MYCBP2: variants seen among roughly 807,000 people sequenced by gnomAD.
The protein encoded by MYCBP2 is MYC binding protein 2.
Under a neutral mutation model 525.3 loss-of-function variants are expected in MYCBP2, and 120 were observed. The ratio of observed to expected loss-of-function variants is 0.23; its 90% CI spans 0.20 to 0.27. The LOEUF (loss-of-function observed/expected upper bound fraction) is 0.27, where lower values mean the gene tolerates loss of function less well. MYCBP2 is among the 10% of genes least tolerant of loss of function. MYCBP2 has a pLI of 1.00. For missense variants in MYCBP2, 4,149 were observed against 5,657.1 expected, an observed-to-expected ratio of 0.73 and a Z score of 8.55; for synonymous variants, 1,894 against 1,955.8, an observed-to-expected ratio of 0.97 and a Z score of 0.83.
chr13:77,311,027 A>C (rs2080134020), intron 1 of MYCBP2, among the ~76,000 whole-genome samples: 1 of 152,218 alleles, frequency 6.6e-6, no homozygotes, highest in Non-Finnish European at 1.5e-5. Context: ...AGGGGAGTCA[A>C]AACTTGGAAA....
At position 77,098,992 on chromosome 13, in the gene MYCBP2, G is replaced by T. The variant is rs1419849046; in HGVS notation, c.8162C>A (p.Thr2721Lys). Reference protein sequence around the residue: ...NSKGDRGNISTSSKPASTSGK... With the variant: ...NSKGDRGNISKSSKPASTSGK... Reference sequence around the variant, plus strand: ...TGATGTAGAGGCTGGTTTAGAAGATGTTGAGATGTTTCCTCGATCACCTGT... The same window carrying T: ...TGATGTAGAGGCTGGTTTAGAAGATTTTGAGATGTTTCCTCGATCACCTGT... The change falls in exon 56 of 83, where the codon ACA becomes AAA. Residue 2721 changes from threonine (T) to lysine (K), a missense_variant. Transcript: ENST00000544440. 1.2e-6 allele frequency: 2 copies of T among 1,608,190 alleles called. No homozygotes were observed. Among genetic ancestry groups the T allele is most frequent in the Admixed American group, 3.3e-5 (2 of 59,886 alleles).
chr13:77,095,832 C>G (rs1035701148), intron 57 of MYCBP2, among the ~76,000 whole-genome samples: 3 of 152,082 alleles, frequency 2.0e-5, no homozygotes, highest in Admixed American at 6.6e-5. Context: ...AAAAATTTAA[C>G]ACCTAACTAG....
chr13:77,307,589 G>A (rs1239306074), intron 1 of MYCBP2, among the ~76,000 whole-genome samples: 1 of 120,482 alleles, frequency 8.3e-6, no homozygotes, highest in Non-Finnish European at 1.6e-5. Context: ...TCATGCCACT[G>A]CACCCCAGCC....
chr13:77,068,624 T>A lies in MYCBP2; in HGVS notation c.12112A>T (p.Thr4038Ser). The A allele has an allele frequency of 6.2e-7, 1 of 1,614,162 alleles. No homozygotes were observed. The highest frequency in any genetic ancestry group is 8.5e-7 in the Non-Finnish European group (1 of 1,180,012). ...AGCGAGAAGAGATCCTGAAGCAGGG[T>A]TAGCTGTTGAGCCAGATATTGCCGG... ...VGRQYLAQQL[T>S]LLQDLFSLLH... Residue 4038 changes from threonine to serine, a missense_variant, in exon 70 of 83, where the codon ACC (threonine) becomes TCC (serine). Coordinates refer to ENST00000544440, the MANE Select transcript of MYCBP2 (RefSeq NM_015057.5).
intron 20 of MYCBP2, among the ~76,000 whole-genome samples, chr13:77,218,822 A>G (rs1331227151): frequency 1.3e-5 from 2 of 152,226 alleles, no homozygotes; most frequent in African/African-American, 2.4e-5. Context: ...TAGTCCACAC[A>G]TAGCAGGAGA....
chr13:77,097,106 A>T (rs1238935986), intron 56 of MYCBP2, among the ~76,000 whole-genome samples: 1 of 152,190 alleles, frequency 6.6e-6, no homozygotes, highest in Non-Finnish European at 1.5e-5. Context: ...CAGACACATT[A>T]ATGGCACACC....
At chr13:77,210,262 G>A (rs375885803) in intron 23 of MYCBP2, among the ~76,000 whole-genome samples, 2 of 147,306 alleles carry the variant, frequency 1.4e-5, no homozygotes, top group Non-Finnish European at 1.5e-5. Flanking sequence ...GTGCGATCTC[G>A]GCTCACTGCA....
At chr13:77,112,554 T>C (rs750592268) in intron 55 of MYCBP2, among the ~76,000 whole-genome samples, 66 of 151,858 alleles carry the variant, frequency 4.3e-4, no homozygotes, top group Non-Finnish European at 7.4e-4. Context: ...GCCTCTCAAG[T>C]AGCTAGGATT....
chr13:77,297,795 T>C (rs1409442532), intron 1 of MYCBP2, among the ~76,000 whole-genome samples: 1 of 152,156 alleles, frequency 6.6e-6, no homozygotes, highest in African/African-American at 2.4e-5. Flanking sequence ...ATCAAAATAA[T>C]CACAAAATCT....
At chr13:77,214,378 G>A (rs1352921735) in intron 21 of MYCBP2, among the ~76,000 whole-genome samples, 2 of 151,818 alleles carry the variant, frequency 1.3e-5, no homozygotes, top group Non-Finnish European at 2.9e-5. Flanking sequence ...TGGAAACCAC[G>A]TAAATATATA....
chr13:77,142,231 A>C (rs1409250588), intron 49 of MYCBP2, among the ~76,000 whole-genome samples: 1 of 152,200 alleles, frequency 6.6e-6, no homozygotes, highest in African/African-American at 2.4e-5. Flanking sequence ...CTACTTCATA[A>C]GATTTTTGTT....
At chr13:77,147,893 A>AT (rs897209787) in intron 47 of MYCBP2, among the ~76,000 whole-genome samples, 60 of 152,126 alleles carry the variant, frequency 3.9e-4, no homozygotes, top group African/African-American at 1.3e-3. Context: ...TGGGACCTGA[A>AT]TTAACATTTC....
intron 8 of MYCBP2, among the ~76,000 whole-genome samples, chr13:77,265,087 T>A (rs938458777): frequency 2.0e-5 from 3 of 152,076 alleles, no homozygotes; most frequent in African/African-American, 7.2e-5. Context: ...CTAGCATACT[T>A]CCTTATCATA....
Position 77,055,681 on chromosome 13 carries a change from T to A in MYCBP2, c.13524A>T (p.Arg4508Ser). The A allele has an allele frequency of 6.2e-7, 1 of 1,614,076 alleles. No homozygotes were observed. Among genetic ancestry groups the A allele is most frequent in the Non-Finnish European group, 8.5e-7 (1 of 1,179,962 alleles). Residue 4508 changes from arginine to serine, a missense_variant, in exon 80 of 83, where the codon AGA (arginine) becomes AGT (serine). Physicochemically the swap from Arg to Ser is moderately radical, Grantham distance 110. Coordinates refer to ENST00000544440, the MANE Select transcript of MYCBP2 (RefSeq NM_015057.5). ...YEDVRRKALMRLEYEGLHKSE... is the reference protein window; with the variant it reads ...YEDVRRKALMSLEYEGLHKSE... ...TCTTATGCAGACCTTCATATTCCAA[T>A]CTCATTAAGGCTTTTCTTCTGACAT...
intron 27 of MYCBP2, among the ~76,000 whole-genome samples, chr13:77,192,042 C>T (rs1180219309): frequency 6.6e-6 from 1 of 152,162 alleles, no homozygotes; most frequent in Admixed American, 6.5e-5. Context: ...TTGAATTCTA[C>T]AATATCCTTA....
intron 2 of MYCBP2, among the ~76,000 whole-genome samples, chr13:77,290,039 G>A (rs1329028393): frequency 6.6e-6 from 1 of 151,870 alleles, no homozygotes; most frequent in African/African-American, 2.4e-5. Flanking sequence ...AAACAAACAA[G>A]GAATCCAATT....
At chr13:77,318,040 T>C (rs2081179692) in intron 1 of MYCBP2, among the ~76,000 whole-genome samples, 1 of 152,156 alleles carries the variant, frequency 6.6e-6, no homozygotes, top group South Asian at 2.1e-4. Context: ...ATCCCTGTAG[T>C]AGAGGATCAA....
Position 77,326,735 on chromosome 13 carries a change from G to A in MYCBP2, c.41C>T (p.Ser14Phe). The change falls in exon 1 of 83, where the codon TCC (serine) becomes TTC (phenylalanine). Residue 14 changes from serine to phenylalanine, a missense_variant. Around this residue, in one of 21 missense-constraint regions of MYCBP2, gnomAD observed 413 missense variants for 451.2 expected, o/e 0.92. Transcript: ENST00000544440. This position sits in a 1 kb window ranked among gnomAD's most constrained non-coding sequence, Gnocchi z 4.2. ...CAATASPAAA[S>F]SGLGGDGFYP... ...GAATCCGTCCCCGCCGAGCCCCGAG[G>A]AGGCGGCGGCGGGGGAGGCAGTCGC... 7.1e-7 allele frequency: 1 copy of A among 1,410,428 alleles called. No individual in the cohort carries two copies. The highest frequency in any genetic ancestry group is 3.9e-5 in the Admixed American group (1 of 25,872). The allele number at this position is 1,410,428 out of a possible 1,614,324, so 87.4% of individuals were successfully genotyped here. A position where few individuals can be genotyped will look rare whatever the true frequency, so the allele number is the denominator to read the frequency against.
rs146232428 is a variant in MYCBP2, at chr13:77,196,741, G to A, written c.3844-2497C>T. 6.6e-3 allele frequency among the ~76,000 whole-genome samples: 1,005 copies of A among 152,124 alleles called. 3 individuals carry two copies. The highest frequency in any genetic ancestry group is 0.011 in the Non-Finnish European group (733 of 68,018). ...AGCAGGTTTAGGCAGATCATCAGAA[G>A]CATAGTATTGAATATGTTACCTCCA... is the stretch of plus-strand genomic sequence containing the variant. On this transcript the variant is annotated intron_variant, in intron 26 of 82. Coordinates refer to ENST00000544440, the MANE Select transcript of MYCBP2 (RefSeq NM_015057.5).
Sources: allele counts gnomAD v4.1 joint callset (sites outside exome capture counted in the v4.1 genomes callset), GRCh38; gene constraint gnomAD v4.1.1; regional missense constraint gnomAD v4.1.1; non-coding constraint Gnocchi (gnomAD v3.1); transcripts MANE v1.5; gene names NCBI Gene and HGNC (gene_info 2026-07-23, HGNC 2026-07-21).